BNC2: variants seen among roughly 807,000 people sequenced by gnomAD.
BNC2 encodes the protein basonuclin zinc finger protein 2.
BNC2 carries 20 observed loss-of-function variants against 76.3 expected under a neutral mutation model. The observed-to-expected ratio is 0.26, with a 90% CI of 0.18 to 0.38. BNC2 has a LOEUF of 0.38. Among genes scored for constraint, BNC2 ranks in the 10% least tolerant of loss-of-function variants. BNC2 has a pLI of 1.00. For missense variants in BNC2, 1,382 were observed against 1,399.8 expected (o/e 0.99, Z 0.20); for synonymous variants, 582 against 514.8 (o/e 1.13, Z -1.77).
chr9:16,753,853 G>C (rs1825294133), intron 1 of BNC2, among the ~76,000 whole-genome samples: 1 of 110,540 alleles, frequency 9.0e-6, no homozygotes, highest in African/African-American at 3.7e-5. Context: ...ATGTGGAGCA[G>C]ATGGGTAGTT....
chr9:16,737,266 T>A (rs1369928400), intron 2 of BNC2, among the ~76,000 whole-genome samples: 18 of 148,522 alleles, frequency 1.2e-4, no homozygotes, highest in Non-Finnish European at 1.9e-4. Context: ...TTTTTTTCTT[T>A]TTTTGAGACA....
chr9:16,855,412 T>G (rs1217183809), intron 1 of BNC2, among the ~76,000 whole-genome samples: 1 of 152,230 alleles, frequency 6.6e-6, no homozygotes, highest in East Asian at 1.9e-4. Context: ...ATTCAAACGC[T>G]TGTTAAATTG....
intron 3 of BNC2, among the ~76,000 whole-genome samples, chr9:16,587,199 CTTT>C (rs5896697): frequency 7.3e-6 from 1 of 137,632 alleles, no homozygotes; most frequent in African/African-American, 2.7e-5. Context: ...GACTAGGAAT[CTTT>C]TTTTTTTTTT....
At chr9:16,599,020 T>C (rs1484799004) in intron 3 of BNC2, among the ~76,000 whole-genome samples, 2 of 152,352 alleles carry the variant, frequency 1.3e-5, no homozygotes, top group East Asian at 3.9e-4. Flanking sequence ...CTTTAGTCTC[T>C]CCAATATCCA....
intron 3 of BNC2, among the ~76,000 whole-genome samples, chr9:16,617,228 A>C (rs2133528964): frequency 6.6e-6 from 1 of 152,274 alleles, no homozygotes; most frequent in South Asian, 2.1e-4. Flanking sequence ...CAAACAAACA[A>C]ACAAAAAAAC....
chr9:16,436,976 C>A lies in BNC2; in HGVS notation c.1218G>T (p.Gln406His). ...KTEPACVSPI[Q>H]NSAPVSDLTK... ...TTAGATCACTGACTGGGGCAGAATTCTGAATGGGAGAGACACAGGCTGGCT... is the reference window on the plus strand; with the variant it reads ...TTAGATCACTGACTGGGGCAGAATTATGAATGGGAGAGACACAGGCTGGCT... The change falls in exon 6 of 7, where the codon CAG (glutamine) becomes CAT (histidine). Residue 406 changes from glutamine to histidine, a missense_variant. Physicochemically the swap from Gln to His is conservative, Grantham distance 24 (BLOSUM62 0). This residue lies in a region of BNC2 where 557 missense variants were observed against 540.9 expected (regional missense o/e 1.03). Transcript: ENST00000380672. 1 of 1,614,096 alleles carries A rather than the reference C, an allele frequency of 6.2e-7. No homozygotes were observed. Among genetic ancestry groups the A allele is most frequent in the Non-Finnish European group, 8.5e-7 (1 of 1,180,016 alleles).
chr9:16,552,533 A>C lies in BNC2; in HGVS notation c.666T>G (p.Leu222=), dbSNP rs776551140. The C allele has an allele frequency of 6.2e-7, 1 of 1,614,026 alleles. No homozygotes were observed. Among genetic ancestry groups the C allele is most frequent in the South Asian group, 1.1e-5 (1 of 91,064 alleles). Residue 222 remains leucine, a synonymous_variant, in exon 5 of 7, where the codon CTT becomes CTG. Coordinates refer to ENST00000380672, the MANE Select transcript of BNC2 (RefSeq NM_017637.6). The part of the protein sequence containing the change: ...TLRDYVRGYI[L]QDAAGKVLDR... ...GGCGTTCAAGTCCTCTCCCTACCTG[A>C]AGGATGTATCCTCGGACATAGTCCC...
At chr9:16,494,931 T>C (rs934460884) in intron 5 of BNC2, among the ~76,000 whole-genome samples, 2 of 152,178 alleles carry the variant, frequency 1.3e-5, no homozygotes, top group Admixed American at 6.5e-5. Context: ...TATACCTATG[T>C]AACAAACTTG....
intron 3 of BNC2, chr9:16,665,248 T>C: frequency 2.8e-6 from 1 of 362,788 alleles, no homozygotes; most frequent in Non-Finnish European, 5.3e-6. Context: ...TGCATGCCTG[T>C]AATCCCAGCT....
rs929294040 is a variant in BNC2 at position 16,738,347 on chromosome 9, A to T, written c.129+13T>A. The stretch of plus-strand genomic sequence containing the variant: ...CCAAGTAACTTAAAGGGGGAAAAAA[A>T]AAACCAACATACCTCAATTTGAGAT... On this transcript the variant is annotated intron_variant, in intron 2 of 6. Transcript: ENST00000380672. 1.2e-6 allele frequency: 2 copies of T among 1,613,780 alleles called. No homozygotes were observed. Among genetic ancestry groups the T allele is most frequent in the Admixed American group, 1.7e-5 (1 of 60,012 alleles).
intron 5 of BNC2, among the ~76,000 whole-genome samples, chr9:16,519,558 TG>T (rs1563821783): frequency 1.3e-5 from 2 of 152,118 alleles, no homozygotes; most frequent in Non-Finnish European, 2.9e-5. Context: ...TAGTTAGACC[TG>T]GGGCTGCTGC....
chr9:16,691,251 T>C (rs931966679), intron 3 of BNC2, among the ~76,000 whole-genome samples: 4 of 152,254 alleles, frequency 2.6e-5, no homozygotes, highest in Non-Finnish European at 5.9e-5. Flanking sequence ...GAAATTTCCA[T>C]TGTACTCCTT....
At chr9:16,663,473 C>T (rs1822174399) in intron 3 of BNC2, among the ~76,000 whole-genome samples, 1 of 151,950 alleles carries the variant, frequency 6.6e-6, no homozygotes, top group African/African-American at 2.4e-5. Flanking sequence ...TTCTAATTTA[C>T]CAAGAAGGTT....
chr9:16,658,658 C>T (rs917907129), intron 3 of BNC2, among the ~76,000 whole-genome samples: 2 of 152,116 alleles, frequency 1.3e-5, no homozygotes, highest in Admixed American at 6.5e-5. Flanking sequence ...AAGCATGTGC[C>T]CAGCCCTTTT....
In BNC2 at chr9:16,413,755, C is replaced by T. The variant is rs1309733199; in HGVS notation, c.*5234G>A. 3 of 152,174 alleles carry T rather than the reference C, an allele frequency of 2.0e-5. No individual in the cohort carries two copies. The highest frequency in any genetic ancestry group is 1.9e-4 in the East Asian group (1 of 5,204). The allele number at this position is 152,174 out of a possible 1,614,324, so 9.4% of individuals were successfully genotyped here. On this transcript the variant is annotated 3_prime_UTR_variant, in exon 7 of 7. Coordinates refer to ENST00000380672, the MANE Select transcript of BNC2 (RefSeq NM_017637.6). ...AGTACTAACGCAAACAAGACTACCA[C>T]GTGTGGTTTATCTCTGAGGGAAAAT...
chr9:16,674,710 TTCTTA>T (rs1167690840), intron 3 of BNC2, among the ~76,000 whole-genome samples: 1 of 152,214 alleles, frequency 6.6e-6, no homozygotes, highest in East Asian at 1.9e-4. Context: ...TTCAGCTCAC[TTCTTA>T]TAAGATGTAA....
At chr9:16,767,353 G>C (rs995433569) in intron 1 of BNC2, among the ~76,000 whole-genome samples, 4 of 152,220 alleles carry the variant, frequency 2.6e-5, no homozygotes, top group Non-Finnish European at 5.9e-5. Context: ...CTGGGGGTCA[G>C]TGCTCAGAGA....
chr9:16,461,873 C>G (rs1821590376), intron 5 of BNC2, among the ~76,000 whole-genome samples: 1 of 152,230 alleles, frequency 6.6e-6, no homozygotes, highest in Non-Finnish European at 1.5e-5. Context: ...GAAGCCTGCT[C>G]ACTTCTCATG....
Position 16,779,281 on chromosome 9 carries a change from G to A in BNC2, c.4-40796C>T, listed in dbSNP as rs575714200. On this transcript the variant is annotated intron_variant, in intron 1 of 6. Coordinates refer to ENST00000380672, the MANE Select transcript of BNC2 (RefSeq NM_017637.6). The stretch of plus-strand genomic sequence containing the variant: ...ATCACACTACTGCACTCCAGCCTGC[G>A]TGACAGAGAGACCCTCTCTCAAAAA... 2.2e-4 allele frequency among the ~76,000 whole-genome samples: 31 copies of A among 142,984 alleles called. No homozygotes were observed. The South Asian group carries it at 6.5e-3, about 30-fold the overall frequency. The allele number at this position is 142,984 out of a possible 152,430, so 93.8% of individuals were successfully genotyped here.
Sources: gnomAD v4.1 joint callset for allele counts (sites outside exome capture counted in the v4.1 genomes callset) on GRCh38, gnomAD v4.1.1 for gene constraint, gnomAD v4.1.1 regional missense constraint, MANE v1.5 for transcripts, NCBI Gene and HGNC (gene_info 2026-07-23, HGNC 2026-07-21) for gene names.